The following OTUD7A variants were observed in gnomAD, a reference collection of about 807,000 sequenced individuals.
The protein encoded by OTUD7A is OTU domain-containing protein 7A.
OTUD7A carries 12 observed loss-of-function variants against 65.7 expected under a neutral mutation model. The ratio of observed to expected loss-of-function variants is 0.18; its 90% CI spans 0.12 to 0.30. OTUD7A has a LOEUF of 0.30. Ranked by LOEUF, OTUD7A falls within the 10% of genes least tolerant of loss-of-function variation. The pLI is 1.00. For missense variants in OTUD7A, 1,148 were observed against 1,304.8 expected (o/e 0.88, Z 1.85); for synonymous variants, 641 against 586.3 (o/e 1.09, Z -1.35).
intron 1 of OTUD7A, among the ~76,000 whole-genome samples, chr15:31,741,842 A>T (rs951353673): frequency 3.3e-5 from 5 of 152,082 alleles, no homozygotes; most frequent in Admixed American, 6.5e-5. Context: ...GAAATTTTTT[A>T]AAAACCCCAG....
intron 3 of OTUD7A, among the ~76,000 whole-genome samples, chr15:31,630,868 T>G (rs1199158970): frequency 6.6e-6 from 1 of 152,298 alleles, no homozygotes; most frequent in Non-Finnish European, 1.5e-5. Flanking sequence ...TTTTGATCTT[T>G]GCTGGTTTAA....
At chr15:31,777,911 A>G (rs1895429891) in intron 1 of OTUD7A, among the ~76,000 whole-genome samples, 1 of 152,202 alleles carries the variant, frequency 6.6e-6, no homozygotes, top group Non-Finnish European at 1.5e-5. Context: ...GCAGTGGCAG[A>G]GGGCAGTGAG....
intron 1 of OTUD7A, among the ~76,000 whole-genome samples, chr15:31,823,294 G>A (rs897083381): frequency 2.0e-5 from 3 of 152,186 alleles, no homozygotes; most frequent in East Asian, 1.9e-4. Flanking sequence ...GCTGGGCTTC[G>A]AGGGAGGAGG....
At chr15:31,850,685 C>T (rs1897402925) in intron 1 of OTUD7A, among the ~76,000 whole-genome samples, 1 of 152,176 alleles carries the variant, frequency 6.6e-6, no homozygotes, top group African/African-American at 2.4e-5. Context: ...TACAACCTTG[C>T]TGCAGGCAGG....
intron 1 of OTUD7A, among the ~76,000 whole-genome samples, chr15:31,693,557 G>A (rs1408441151): frequency 6.6e-6 from 1 of 151,926 alleles, no homozygotes; most frequent in African/African-American, 2.4e-5. Context: ...GGCTGGATTG[G>A]ATGTGGTGAT....
intron 1 of OTUD7A, among the ~76,000 whole-genome samples, chr15:31,785,176 C>T (rs1363325077): frequency 6.6e-6 from 1 of 152,196 alleles, no homozygotes; most frequent in African/African-American, 2.4e-5. Context: ...CATGCAAGTA[C>T]ACTTTGATGG....
intron 1 of OTUD7A, among the ~76,000 whole-genome samples, chr15:31,848,505 A>G (rs1485007253): frequency 6.6e-6 from 1 of 152,162 alleles, no homozygotes; most frequent in Non-Finnish European, 1.5e-5. Context: ...AATTTCAGTC[A>G]GAAGTCCACA....
chr15:31,750,903 T>C (rs909891889), intron 1 of OTUD7A, among the ~76,000 whole-genome samples: 1 of 152,204 alleles, frequency 6.6e-6, no homozygotes, highest in Admixed American at 6.5e-5. Context: ...GACCCCTCCC[T>C]ATCGCCATAT....
At chr15:31,578,920 C>A (rs1459355173) in intron 3 of OTUD7A, among the ~76,000 whole-genome samples, 1 of 152,146 alleles carries the variant, frequency 6.6e-6, no homozygotes, top group East Asian at 1.9e-4. Context: ...CCAAGCTGTG[C>A]CCCAACCACC....
intron 1 of OTUD7A, among the ~76,000 whole-genome samples, chr15:31,700,991 G>A (rs1893201135): frequency 6.6e-6 from 1 of 152,150 alleles, no homozygotes; most frequent in African/African-American, 2.4e-5. Flanking sequence ...GTAGTGCACA[G>A]CCTCACCTTG....
intron 1 of OTUD7A, among the ~76,000 whole-genome samples, chr15:31,669,012 G>T (rs925262142): frequency 1.3e-5 from 2 of 152,204 alleles, no homozygotes; most frequent in African/African-American, 2.4e-5. Flanking sequence ...CCATCTATGG[G>T]TGTCTTAGCT....
At chr15:31,745,060 C>T (rs947175588) in intron 1 of OTUD7A, among the ~76,000 whole-genome samples, 2 of 151,964 alleles carry the variant, frequency 1.3e-5, no homozygotes, top group African/African-American at 4.8e-5. Context: ...GAAGACCTTA[C>T]AAAATAGAAA....
chr15:31,758,497 A>T (rs988394326), intron 1 of OTUD7A, among the ~76,000 whole-genome samples: 1 of 152,222 alleles, frequency 6.6e-6, no homozygotes, highest in Non-Finnish European at 1.5e-5. Flanking sequence ...ACTGCATTTT[A>T]CAAGCATCCC....
intron 1 of OTUD7A, among the ~76,000 whole-genome samples, chr15:31,787,267 C>G (rs1233375516): frequency 5.3e-5 from 8 of 152,132 alleles, no homozygotes. Context: ...GTTGCCTCAC[C>G]AAGTAGGGCT....
intron 8 of OTUD7A, among the ~76,000 whole-genome samples, chr15:31,520,484 T>C (rs912103411): frequency 2.0e-5 from 3 of 152,198 alleles, no homozygotes; most frequent in East Asian, 1.9e-4. Context: ...CTTCTCACCA[T>C]ATATAAAAAT....
chr15:31,489,065 C>T (rs1466112302), intron 10 of OTUD7A, among the ~76,000 whole-genome samples: 3 of 152,186 alleles, frequency 2.0e-5, no homozygotes, highest in Admixed American at 1.3e-4. Context: ...AGGGCTGGCT[C>T]AGGGACAGGT....
At chr15:31,694,597 T>C (rs1167791420) in intron 1 of OTUD7A, among the ~76,000 whole-genome samples, 2 of 152,152 alleles carry the variant, frequency 1.3e-5, no homozygotes, top group Non-Finnish European at 2.9e-5. Flanking sequence ...GAAATTTGTA[T>C]CCTTTGACCA....
At chr15:31,510,538 T>C (rs1227621613) in intron 8 of OTUD7A, among the ~76,000 whole-genome samples, 1 of 138,860 alleles carries the variant, frequency 7.2e-6, no homozygotes, top group Non-Finnish European at 1.5e-5. Flanking sequence ...GTAACATACA[T>C]ATGTATATCT....
chr15:31,725,812 T>G (rs1403102709), intron 1 of OTUD7A, among the ~76,000 whole-genome samples: 1 of 152,192 alleles, frequency 6.6e-6, no homozygotes, highest in Non-Finnish European at 1.5e-5. Flanking sequence ...GACCTCCTGA[T>G]GGCAGCGCTC....
Sources: gnomAD v4.1 joint callset for allele counts (sites outside exome capture counted in the v4.1 genomes callset) on GRCh38, gnomAD v4.1.1 for gene constraint, MANE v1.5 for transcripts, NCBI Gene and HGNC (gene_info 2026-07-23, HGNC 2026-07-21) for gene names.